CPNE9: variants seen among roughly 807,000 people sequenced by gnomAD.
CPNE9 encodes copine family member 9.
A neutral mutation model predicts 83.0 loss-of-function variants in CPNE9; 59 were observed. That is an observed-to-expected ratio of 0.71 (90% CI 0.58 to 0.88). The LOEUF (loss-of-function observed/expected upper bound fraction) is 0.88. Among genes scored for constraint, CPNE9 ranks in the 40% least tolerant of loss-of-function variants. The pLI, the probability that CPNE9 is intolerant of heterozygous loss-of-function variation, is 0.00. For synonymous variants in CPNE9, 256 were observed against 273.4 expected (o/e 0.94, Z 0.63); for missense variants, 619 against 720.8 (o/e 0.86, Z 1.62).
chr3:9,725,010 G>C (rs998963061), intron 17 of CPNE9, among the ~76,000 whole-genome samples: 2 of 151,966 alleles, frequency 1.3e-5, no homozygotes, highest in Non-Finnish European at 2.9e-5. Flanking sequence ...GCCCACCTCG[G>C]CCTCCCAAAG....
intron 7 of CPNE9, among the ~76,000 whole-genome samples, chr3:9,706,898 C>T (rs559674977): frequency 6.6e-6 from 1 of 152,228 alleles, no homozygotes; most frequent in Non-Finnish European, 1.5e-5. Flanking sequence ...AAGACTGGAG[C>T]CAGGTGACTG....
At chr3:9,714,493 T>A (rs539055313) in intron 10 of CPNE9, among the ~76,000 whole-genome samples, 1 of 151,528 alleles carries the variant, frequency 6.6e-6, no homozygotes, top group Non-Finnish European at 1.5e-5. Context: ...CTTAGCCAAA[T>A]TACTTTTTTT....
chr3:9,729,397 T>G, intron 20 of CPNE9, 110 bp from the exon 21 acceptor site: 1 of 1,424,962 alleles, frequency 7.0e-7, no homozygotes, highest in Non-Finnish European at 9.3e-7. Context: ...AGGGAGATAC[T>G]GTGATAGTTG....
At chr3:9,718,346 G>A in intron 16 of CPNE9, 129 bp from the exon 17 acceptor site, 2 of 1,405,162 alleles carry the variant, frequency 1.4e-6, no homozygotes, top group Non-Finnish European at 2.0e-6. Flanking sequence ...GAGCAGGGAG[G>A]GGAGCAGGGC....
intron 12 of CPNE9, 46 bp downstream of exon 12, chr3:9,715,410 G>A (rs1575124468): frequency 3.1e-6 from 5 of 1,612,564 alleles, no homozygotes; most frequent in East Asian, 4.5e-5. Context: ...CTCCATCCCA[G>A]TGTGCTCAGT....
At chr3:9,713,402 A>G (rs1305973267) in intron 10 of CPNE9, among the ~76,000 whole-genome samples, 1 of 152,184 alleles carries the variant, frequency 6.6e-6, no homozygotes, top group Non-Finnish European at 1.5e-5. Flanking sequence ...ATGTATGTGG[A>G]TGGATATATG....
intron 17 of CPNE9, among the ~76,000 whole-genome samples, chr3:9,725,682 A>ATGTGTATATATG (rs55757225): frequency 2.2e-4 from 27 of 123,024 alleles, no homozygotes; most frequent in African/African-American, 6.9e-4. Flanking sequence ...ATGTGTATAT[A>ATGTGTATATATG]TATATACATA....
At chr3:9,722,163 C>G (rs569809017) in intron 17 of CPNE9, among the ~76,000 whole-genome samples, 19 of 151,710 alleles carry the variant, frequency 1.3e-4, no homozygotes, top group African/African-American at 3.1e-4. Context: ...GTGATCCACC[C>G]CCCCCCGCCA....
chr3:9,728,997 T>C (rs572142405), intron 20 of CPNE9, among the ~76,000 whole-genome samples: 32 of 152,120 alleles, frequency 2.1e-4, no homozygotes, highest in African/African-American at 7.7e-4. Flanking sequence ...TTTAAAGTCA[T>C]GGAAGTGTAT....
intron 17 of CPNE9, among the ~76,000 whole-genome samples, chr3:9,720,978 T>C (rs2076728680): frequency 6.6e-6 from 1 of 152,228 alleles, no homozygotes. Flanking sequence ...AGGGTTGTTG[T>C]GAGGACTAAC....
chr3:9,725,646 GTA>G (rs1056500870), intron 17 of CPNE9, among the ~76,000 whole-genome samples: 35 of 65,118 alleles, frequency 5.4e-4, no homozygotes, highest in East Asian at 4.2e-3. Context: ...ACATGTATGT[GTA>G]TATATGTGTA....
chr3:9,705,657 T>C, intron 5 of CPNE9, 61 bp from the exon 6 acceptor site: 2 of 1,608,520 alleles, frequency 1.2e-6, no homozygotes, highest in Non-Finnish European at 1.7e-6. Context: ...CTGAGTGTCC[T>C]GCCTGTGCCC....
intron 15 of CPNE9, 46 bp from the exon 16 acceptor site, chr3:9,717,983 G>A (rs1245507987): frequency 1.3e-6 from 2 of 1,508,922 alleles, no homozygotes; most frequent in South Asian, 2.4e-5. Context: ...GTGAACAGAT[G>A]GATGATCCAG....
At chr3:9,705,015 C>T (rs1186655130) in intron 4 of CPNE9, 21 bp downstream of exon 4, 1 of 1,565,052 alleles carries the variant, frequency 6.4e-7, no homozygotes, top group Non-Finnish European at 8.7e-7. Context: ...GCCTGGAATT[C>T]TGGCTTGGCC....
chr3:9,726,085 G>A, intron 18 of CPNE9, 34 bp downstream of exon 18: 1 of 1,387,402 alleles, frequency 7.2e-7, no homozygotes, highest in Non-Finnish European at 1.0e-6. Context: ...GCAGGGAGGA[G>A]TAATGTCAAT....
rs916124711 is a variant in CPNE9, at chr3:9,704,070, C to T, written c.68+6C>T. 7 of 1,603,296 alleles carry T rather than the reference C, an allele frequency of 4.4e-6. No individual in the cohort carries two copies. The African/African-American group carries it at 8.0e-5, about 18-fold the overall frequency. On this transcript the variant is annotated splice_donor_region_variant and intron_variant, in intron 1 of 20. Coordinates refer to ENST00000383832, the MANE Select transcript of CPNE9 (RefSeq NM_153635.3). This position sits in a 1 kb window ranked among gnomAD's most constrained non-coding sequence, Gnocchi z 7.1. ...GAAATTACCGTGTCCTGCCGGTGAG[C>T]GGGCCGCGCTGGGGAGGGCTTAGGC... is the stretch of plus-strand genomic sequence containing the variant.
intron 17 of CPNE9, among the ~76,000 whole-genome samples, chr3:9,724,654 CT>C (rs2076761576): frequency 6.6e-6 from 1 of 152,180 alleles, no homozygotes; most frequent in South Asian, 2.1e-4. Context: ...TTCATTTAGC[CT>C]TTCTATCCTC....
At chr3:9,727,625 G>A (rs2076796550) in intron 20 of CPNE9, among the ~76,000 whole-genome samples, 2 of 152,170 alleles carry the variant, frequency 1.3e-5, no homozygotes, top group African/African-American at 4.8e-5. Flanking sequence ...AGGCTCTGAG[G>A]CCCAGAAGAA....
At chr3:9,726,192 G>C in intron 18 of CPNE9, 141 bp downstream of exon 18, 2 of 560,580 alleles carry the variant, frequency 3.6e-6, no homozygotes, top group Non-Finnish European at 6.4e-6. Flanking sequence ...TCTTGGATTA[G>C]AGATAGAGGA....
Sources: allele counts gnomAD v4.1 joint callset (sites outside exome capture counted in the v4.1 genomes callset), GRCh38; gene constraint gnomAD v4.1.1; non-coding constraint Gnocchi (gnomAD v3.1); transcripts MANE v1.5; gene names NCBI Gene and HGNC (gene_info 2026-07-23, HGNC 2026-07-21).